QRSL1: variants seen among roughly 807,000 people sequenced by gnomAD.
QRSL1 encodes glutaminyl-tRNA amidotransferase subunit QRSL1, also known as glutamyl-tRNA(Gln) amidotransferase subunit A, mitochondrial.
In QRSL1, 54 loss-of-function variants were observed where a neutral mutation model predicts 61.6. The ratio of observed to expected loss-of-function variants is 0.88; its 90% confidence interval spans 0.70 to 1.10. QRSL1 has a LOEUF of 1.10. Among genes scored for constraint, QRSL1 ranks in the 50% least tolerant of loss-of-function variants. QRSL1 has a pLI of 0.00. For synonymous variants in QRSL1, 228 were observed against 225.7 expected, an observed-to-expected ratio of 1.01 and a Z score of -0.09; for missense variants, 505 against 622.6, an observed-to-expected ratio of 0.81 and a Z score of 2.01.
chr6:106,632,435 T>G (rs1344289057), intron 1 of QRSL1, among the ~76,000 whole-genome samples: 1 of 151,998 alleles, frequency 6.6e-6, no homozygotes, highest in Non-Finnish European at 1.5e-5. Flanking sequence ...AGGTTGGTCT[T>G]GAATTCTTGG....
intron 1 of QRSL1, among the ~76,000 whole-genome samples, chr6:106,639,111 G>GTGTTTTTTTT (rs1776967983): frequency 3.3e-5 from 2 of 60,754 alleles, no homozygotes; most frequent in African/African-American, 1.3e-4. Context: ...TTATTTGTGT[G>GTGTTTTTTTT]TTTTGTTGTT....
intron 7 of QRSL1, 129 bp downstream of exon 7, chr6:106,652,711 G>A (rs770310730): frequency 1.3e-6 from 2 of 1,551,510 alleles, no homozygotes; most frequent in Admixed American, 2.0e-5. Flanking sequence ...AGTTGAGTAT[G>A]TGACTTAATC....
At chr6:106,641,466 T>C (rs1490394919) in intron 3 of QRSL1, among the ~76,000 whole-genome samples, 2 of 152,246 alleles carry the variant, frequency 1.3e-5, no homozygotes, top group Admixed American at 1.3e-4. Flanking sequence ...CTGATTCCTC[T>C]ATCTCTTGTA....
At chr6:106,650,917 C>T (rs950626553) in intron 5 of QRSL1, among the ~76,000 whole-genome samples, 1 of 152,170 alleles carries the variant, frequency 6.6e-6, no homozygotes, top group East Asian at 1.9e-4. Context: ...AGCACAACTT[C>T]TGTTTTCCTG....
At chr6:106,631,344 C>T (rs1776826927) in intron 1 of QRSL1, among the ~76,000 whole-genome samples, 1 of 152,160 alleles carries the variant, frequency 6.6e-6, no homozygotes, top group Admixed American at 6.5e-5. Context: ...CACTGTCAAT[C>T]TAAGTAACAG....
At chr6:106,663,305 C>T (rs536586881) in intron 10 of QRSL1, 120 bp downstream of exon 10, 76 of 856,764 alleles carry the variant, frequency 8.9e-5, no homozygotes, top group Non-Finnish European at 1.3e-4. Flanking sequence ...TTTTGGAATG[C>T]TTAGGAGTGA....
In QRSL1 at chr6:106,643,078, A is replaced by G. The variant is rs1777047675; in HGVS notation, c.368A>G (p.Glu123Gly). ...ALLMGKTNLD[E>G]FAMGSGSTDG... is the part of the protein sequence containing the mutation. ...CTAATGGGAAAAACAAATTTAGATG[A>G]GTTTGCTATGGGGTAAGTAAAATTG... is the stretch of plus-strand genomic sequence containing the variant. The change falls in exon 4 of 11, where the codon GAG (glutamate) becomes GGG (glycine). Residue 123 changes from glutamate to glycine, a missense_variant. Glu to Gly is a moderately conservative substitution (Grantham distance 98). Transcript: ENST00000369046. 6.2e-7 allele frequency: 1 copy of G among 1,604,714 alleles called. No homozygotes were observed. The highest frequency in any genetic ancestry group is 1.3e-5 in the African/African-American group (1 of 74,646).
At chr6:106,632,455 ATCC>A (rs1338526424) in intron 1 of QRSL1, among the ~76,000 whole-genome samples, 1 of 151,976 alleles carries the variant, frequency 6.6e-6, no homozygotes, top group Non-Finnish European at 1.5e-5. Context: ...GCTTCAAGCA[ATCC>A]TCCTCCCTCA....
intron 1 of QRSL1, among the ~76,000 whole-genome samples, chr6:106,632,252 A>T (rs1164226518): frequency 6.6e-6 from 1 of 152,236 alleles, no homozygotes; most frequent in Admixed American, 6.5e-5. Context: ...GGCTATTGTG[A>T]ATAGTGCTGC....
At chr6:106,651,204 T>A (rs1388478331) in intron 5 of QRSL1, among the ~76,000 whole-genome samples, 1 of 152,202 alleles carries the variant, frequency 6.6e-6, no homozygotes, top group East Asian at 1.9e-4. Context: ...TTTAGCATAA[T>A]GTCCTCCAGG....
chr6:106,639,288 GC>G (rs998036517), intron 1 of QRSL1, among the ~76,000 whole-genome samples: 2 of 151,864 alleles, frequency 1.3e-5, no homozygotes. Flanking sequence ...ACCACACCTG[GC>G]TAATTTTTGT....
intron 1 of QRSL1, among the ~76,000 whole-genome samples, chr6:106,633,174 A>T (rs1776864638): frequency 6.6e-6 from 1 of 152,212 alleles, no homozygotes; most frequent in Admixed American, 6.5e-5. Flanking sequence ...CCTTTAACAA[A>T]TACTGATTAA....
intron 5 of QRSL1, among the ~76,000 whole-genome samples, chr6:106,651,807 A>T (rs1777190860): frequency 6.6e-6 from 1 of 152,200 alleles, no homozygotes; most frequent in Admixed American, 6.5e-5. Context: ...TTATATGTAT[A>T]TTGAAAGGAG....
At chr6:106,656,059 T>G (rs1325389221) in intron 9 of QRSL1, among the ~76,000 whole-genome samples, 1 of 152,156 alleles carries the variant, frequency 6.6e-6, no homozygotes, top group Admixed American at 6.5e-5. Flanking sequence ...TAAAAAGCAA[T>G]ACAGTGTAAC....
chr6:106,640,976 C>A, intron 3 of QRSL1, 55 bp downstream of exon 3: 1 of 1,288,312 alleles, frequency 7.8e-7, no homozygotes, highest in South Asian at 1.3e-5. Flanking sequence ...GTATTTTTCG[C>A]TTTAAGGATA....
intron 9 of QRSL1, 109 bp from the exon 10 acceptor site, chr6:106,662,871 A>G: frequency 1.0e-6 from 1 of 1,004,082 alleles, no homozygotes; most frequent in Non-Finnish European, 1.5e-6. Flanking sequence ...CTTTTTATTC[A>G]GCCAGAAAAT....
In QRSL1 at chr6:106,655,514, CAAAAAAAAAA is replaced by C. The variant is rs35970346; in HGVS notation, c.1043-91_1043-82del. The C allele has an allele frequency of 9.4e-6, 4 of 426,222 alleles. No homozygotes were observed. In the African/African-American group the frequency reaches 1.2e-4, roughly 13 times the overall value. The allele number at this position is 426,222 out of a possible 1,614,324, so 26.4% of individuals were successfully genotyped here. On this transcript the variant is annotated intron_variant, in intron 8 of 10. Transcript: ENST00000369046. ...TAGGTGACAGAGTGAGACTCCATCT[CAAAAAAAAAA>C]AAAAAAAAAGTGAATCTAGGCCTGA...
Position 106,640,357 on chromosome 6 carries a change from G to A in QRSL1, c.33G>A (p.Ala11=), listed in dbSNP as rs117167190. The A allele has an allele frequency of 1.6e-4, 250 of 1,610,700 alleles. No homozygotes were observed. The highest frequency in any genetic ancestry group is 1.2e-3 in the East Asian group (53 of 44,766). MLGRSLREVS[A]ALKQGQITPT... ...AATTGTATACACTATAGGTTTCTGCGGCACTGAAACAAGGCCAAATTACAC... is the reference window on the plus strand; with the variant it reads ...AATTGTATACACTATAGGTTTCTGCAGCACTGAAACAAGGCCAAATTACAC... The change falls in exon 2 of 11, where the codon GCG becomes GCA. Residue 11 remains alanine (A), a synonymous_variant. Coordinates refer to ENST00000369046, the MANE Select transcript of QRSL1 (RefSeq NM_018292.5).
chr6:106,636,510 G>A (rs761470332), intron 1 of QRSL1, among the ~76,000 whole-genome samples: 8 of 151,956 alleles, frequency 5.3e-5, no homozygotes, highest in Non-Finnish European at 8.8e-5. Flanking sequence ...TAGTAGAGAC[G>A]GGGTTTCACC....
Sources: gnomAD v4.1 joint callset for allele counts (sites outside exome capture counted in the v4.1 genomes callset) on GRCh38, gnomAD v4.1.1 for gene constraint, MANE v1.5 for transcripts, NCBI Gene and HGNC (gene_info 2026-07-23, HGNC 2026-07-21) for gene names.